The following NRG1 variants were observed in gnomAD, a reference collection of about 807,000 sequenced individuals.
NRG1 encodes the protein neuregulin 1, also known as pro-neuregulin-1, membrane-bound isoform.
A neutral mutation model predicts 63.8 loss-of-function variants in NRG1; 18 were observed. That is an observed-to-expected ratio of 0.28 (90% confidence interval 0.19 to 0.42). NRG1 has a LOEUF of 0.42. Among genes scored for constraint, NRG1 ranks in the 10% least tolerant of loss-of-function variants. NRG1 has a pLI of 1.00. For missense variants in NRG1, 762 were observed against 814.7 expected (o/e 0.94, Z 0.79); for synonymous variants, 302 against 301.3 (o/e 1.00, Z -0.02).
chr8:32,205,677 G>A (rs1027361196), intron 1 of NRG1, among the ~76,000 whole-genome samples: 2 of 152,128 alleles, frequency 1.3e-5, no homozygotes, highest in African/African-American at 4.8e-5. Context: ...CCTGAGGGAG[G>A]TAAGAGTAGC....
chr8:31,881,616 T>C (rs1306735403), intron 1 of NRG1, among the ~76,000 whole-genome samples: 1 of 152,182 alleles, frequency 6.6e-6, no homozygotes, highest in East Asian at 1.9e-4. Flanking sequence ...GATAGGCCAA[T>C]AGCTAGGCCT....
intron 1 of NRG1, among the ~76,000 whole-genome samples, chr8:31,843,327 G>A (rs1826372257): frequency 6.6e-6 from 1 of 152,178 alleles, no homozygotes. Flanking sequence ...TTTGCAGGGG[G>A]TGGTTTGCTC....
exon 12 of NRG1, chr8:32,767,919 C>T (rs1041628382): frequency 6.6e-6 from 1 of 152,078 alleles, no homozygotes; most frequent in African/African-American, 2.4e-5. Context: ...GTCCATTTTC[C>T]ATGAAAGACA....
intron 1 of NRG1, among the ~76,000 whole-genome samples, chr8:31,963,094 A>C (rs1805734497): frequency 6.6e-6 from 1 of 152,128 alleles, no homozygotes; most frequent in African/African-American, 2.4e-5. Context: ...GCTCACTGAG[A>C]TTTGTCTTTG....
intron 1 of NRG1, among the ~76,000 whole-genome samples, chr8:32,570,877 A>G (rs1234418181): frequency 6.6e-6 from 1 of 152,232 alleles, no homozygotes; most frequent in Non-Finnish European, 1.5e-5. Flanking sequence ...ACAGGAGTGT[A>G]GGTGAATGAT....
At chr8:31,762,397 A>T (rs752493713) in intron 1 of NRG1, among the ~76,000 whole-genome samples, 1 of 152,220 alleles carries the variant, frequency 6.6e-6, no homozygotes, top group African/African-American at 2.4e-5. Flanking sequence ...ATGGCTGCAA[A>T]GTATTCCATG....
chr8:32,648,483 G>A (rs1854202700), intron 5 of NRG1: 2 of 1,470,998 alleles, frequency 1.4e-6, no homozygotes, highest in Admixed American at 2.4e-5. Flanking sequence ...CATTTTAGTT[G>A]CCTGGTTTTG....
At chr8:32,316,679 G>A (rs1349750149) in intron 1 of NRG1, among the ~76,000 whole-genome samples, 7 of 151,960 alleles carry the variant, frequency 4.6e-5, no homozygotes, top group East Asian at 1.9e-4. Flanking sequence ...CAACTCCAGC[G>A]TTACCTTTTC....
intron 1 of NRG1, among the ~76,000 whole-genome samples, chr8:32,054,142 C>T (rs1016458944): frequency 1.3e-5 from 2 of 152,124 alleles, no homozygotes; most frequent in African/African-American, 4.8e-5. Flanking sequence ...TTGCCCACCA[C>T]TGCATTGTAT....
At chr8:32,372,782 C>T (rs1009994440) in intron 1 of NRG1, among the ~76,000 whole-genome samples, 2 of 152,098 alleles carry the variant, frequency 1.3e-5, no homozygotes, top group African/African-American at 4.8e-5. Flanking sequence ...ATCTGCCACC[C>T]GAACTGAAGT....
chr8:32,338,269 C>T (rs1037575047), intron 1 of NRG1, among the ~76,000 whole-genome samples: 1 of 152,134 alleles, frequency 6.6e-6, no homozygotes, highest in African/African-American at 2.4e-5. Context: ...TTGCAGTTAT[C>T]ACCGGAAGTT....
intron 1 of NRG1, among the ~76,000 whole-genome samples, chr8:32,097,472 C>G (rs1350685193): frequency 6.6e-6 from 1 of 152,102 alleles, no homozygotes; most frequent in African/African-American, 2.4e-5. Flanking sequence ...TATAAAAGTT[C>G]CATTTTCTCG....
intron 1 of NRG1, among the ~76,000 whole-genome samples, chr8:32,082,964 T>C (rs1827689139): frequency 6.6e-6 from 1 of 152,018 alleles, no homozygotes; most frequent in Non-Finnish European, 1.5e-5. Context: ...CATCAAAAAC[T>C]AAATAAAGGG....
At chr8:32,372,602 G>T (rs1213087926) in intron 1 of NRG1, among the ~76,000 whole-genome samples, 1 of 152,114 alleles carries the variant, frequency 6.6e-6, no homozygotes, top group Admixed American at 6.6e-5. Context: ...GGATGATGAA[G>T]GCAATGGACA....
chr8:31,656,385 T>A (rs1805439538), intron 1 of NRG1, among the ~76,000 whole-genome samples: 1 of 152,176 alleles, frequency 6.6e-6, no homozygotes, highest in Non-Finnish European at 1.5e-5. Flanking sequence ...GAGTGCACAT[T>A]GCATTTAGGA....
intron 1 of NRG1, among the ~76,000 whole-genome samples, chr8:31,703,251 C>T (rs1490689645): frequency 1.3e-5 from 2 of 151,514 alleles, no homozygotes; most frequent in Admixed American, 6.6e-5. Context: ...AAGCAATATA[C>T]TGTGTCTACA....
At chr8:31,716,602 C>T in intron 1 of NRG1, among the ~76,000 whole-genome samples, 1 of 152,186 alleles carries the variant, frequency 6.6e-6, no homozygotes, top group Non-Finnish European at 1.5e-5. Context: ...CTTTTATCAG[C>T]CAATCCTTAT....
At chr8:32,703,568 A>G (rs931653353) in intron 5 of NRG1, among the ~76,000 whole-genome samples, 20 of 152,204 alleles carry the variant, frequency 1.3e-4, no homozygotes, top group African/African-American at 4.8e-4. Flanking sequence ...AGAAAAAAAG[A>G]AATGTAATTC....
chr8:31,819,361 C>T (rs995806962), intron 1 of NRG1, among the ~76,000 whole-genome samples: 2 of 152,170 alleles, frequency 1.3e-5, no homozygotes, highest in Admixed American at 6.5e-5. Flanking sequence ...AATTAAACTC[C>T]TAGACTCTGT....
Sources: allele counts gnomAD v4.1 joint callset (sites outside exome capture counted in the v4.1 genomes callset), GRCh38; gene constraint gnomAD v4.1.1; transcripts MANE v1.5; gene names NCBI Gene and HGNC (gene_info 2026-07-23, HGNC 2026-07-21).